Variants in ROBO2 observed in about 807,000 individuals in gnomAD.
ROBO2 encodes the protein roundabout homolog 2.
In ROBO2, 53 loss-of-function variants were observed where a neutral mutation model predicts 160.8. That is an observed-to-expected ratio of 0.33 (90% CI 0.26 to 0.41). The LOEUF is 0.41. ROBO2 is among the 10% of genes least tolerant of loss of function. The pLI is 1.00. For missense variants in ROBO2, 1,577 were observed against 1,722.4 expected (o/e 0.92, Z 1.49); for synonymous variants, 664 against 611.7 (o/e 1.09, Z -1.26).
intron 2 of ROBO2, among the ~76,000 whole-genome samples, chr3:76,685,514 A>G (rs1165407900): frequency 3.9e-5 from 6 of 152,136 alleles, no homozygotes; most frequent in Admixed American, 2.0e-4. Flanking sequence ...TAGTTTTCCA[A>G]TGGAGTTTCA....
chr3:76,527,328 A>G (rs752590421), intron 2 of ROBO2, among the ~76,000 whole-genome samples: 1 of 152,136 alleles, frequency 6.6e-6, no homozygotes. Context: ...TCAGAAGTGC[A>G]AGGGATCTTA....
At chr3:77,489,782 T>C (rs2085837041) in intron 4 of ROBO2, among the ~76,000 whole-genome samples, 1 of 152,216 alleles carries the variant, frequency 6.6e-6, no homozygotes, top group Non-Finnish European at 1.5e-5. Context: ...AAACTTTTCA[T>C]GTTAGATAGG....
At chr3:76,172,590 AC>A (rs2073084146) in intron 2 of ROBO2, among the ~76,000 whole-genome samples, 1 of 152,090 alleles carries the variant, frequency 6.6e-6, no homozygotes, top group Admixed American at 6.6e-5. Flanking sequence ...AATATTCTAA[AC>A]GTTCACTATA....
intron 2 of ROBO2, among the ~76,000 whole-genome samples, chr3:76,554,176 G>C (rs1241794814): frequency 2.0e-5 from 3 of 152,204 alleles, no homozygotes; most frequent in Non-Finnish European, 4.4e-5. Flanking sequence ...GAAAGAATGA[G>C]CTACATCTAT....
intron 2 of ROBO2, among the ~76,000 whole-genome samples, chr3:76,714,530 A>G (rs1487180141): frequency 1.3e-5 from 2 of 152,154 alleles, no homozygotes; most frequent in African/African-American, 4.8e-5. Context: ...CAGAAAATAC[A>G]TTTGTGGAAA....
At chr3:76,459,543 G>A (rs949839429) in intron 2 of ROBO2, among the ~76,000 whole-genome samples, 3 of 151,964 alleles carry the variant, frequency 2.0e-5, no homozygotes, top group Admixed American at 6.6e-5. Flanking sequence ...ACTTTATTCA[G>A]CCTCAATGTT....
intron 2 of ROBO2, among the ~76,000 whole-genome samples, chr3:76,427,289 T>G (rs1325054069): frequency 6.6e-6 from 1 of 151,980 alleles, no homozygotes; most frequent in African/African-American, 2.4e-5. Flanking sequence ...CGCTTGCAAC[T>G]GATAGTTCTG....
intron 2 of ROBO2, among the ~76,000 whole-genome samples, chr3:77,282,956 C>CT (rs199728894): frequency 9.4e-5 from 12 of 127,128 alleles, no homozygotes; most frequent in African/African-American, 3.1e-4. Flanking sequence ...GAGGCTTCTG[C>CT]TTTTAAAAAA....
intron 2 of ROBO2, among the ~76,000 whole-genome samples, chr3:76,641,398 T>A (rs2090667969): frequency 6.6e-6 from 1 of 152,068 alleles, no homozygotes; most frequent in African/African-American, 2.4e-5. Flanking sequence ...CTCAATATAA[T>A]CATCAGAAAA....
rs927844772 is a variant in ROBO2, at chr3:77,349,635, A to G, written c.389-127779A>G. Among the ~76,000 whole-genome samples, 6 of 152,302 alleles carry G rather than the reference A, an allele frequency of 3.9e-5. No homozygotes were observed. The South Asian group carries it at 1.0e-3, about 26-fold the overall frequency. ...AGACATAGAGGCACTTCAAGAGGAT[A>G]CTCCAAAGCGAAAGTTGGGCACGTG... On this transcript the variant is annotated intron_variant, in intron 2 of 25. Coordinates refer to ENST00000461745, the Ensembl canonical transcript of ROBO2.
At chr3:77,345,054 G>A (rs552597312) in intron 2 of ROBO2, among the ~76,000 whole-genome samples, 1 of 151,902 alleles carries the variant, frequency 6.6e-6, no homozygotes, top group South Asian at 2.1e-4. Flanking sequence ...ATAATTTGTG[G>A]TTTTAGCTTG....
intron 16 of ROBO2, among the ~76,000 whole-genome samples, chr3:77,584,065 A>G (rs1391513605): frequency 6.6e-6 from 1 of 152,140 alleles, no homozygotes; most frequent in Non-Finnish European, 1.5e-5. Context: ...TTCTCTTTGC[A>G]TGCACAGTTC....
chr3:77,403,049 G>T (rs1010704150), intron 2 of ROBO2, among the ~76,000 whole-genome samples: 8 of 152,112 alleles, frequency 5.3e-5, no homozygotes, highest in African/African-American at 1.9e-4. Context: ...ACCAGGAACA[G>T]AATTAGTAAG....
At chr3:77,148,359 T>C (rs2077276801) in intron 2 of ROBO2, among the ~76,000 whole-genome samples, 1 of 152,240 alleles carries the variant, frequency 6.6e-6, no homozygotes, top group Admixed American at 6.5e-5. Flanking sequence ...TTATTTACAC[T>C]GGGCAAGGGG....
chr3:76,826,030 ACATT>A (rs1043518448), intron 2 of ROBO2, among the ~76,000 whole-genome samples: 29 of 150,794 alleles, frequency 1.9e-4, no homozygotes, highest in African/African-American at 6.6e-4. Context: ...TCTTTTAGGC[ACATT>A]CAATCAGTGA....
intron 2 of ROBO2, among the ~76,000 whole-genome samples, chr3:76,290,807 A>T (rs938366502): frequency 1.3e-5 from 2 of 152,044 alleles, no homozygotes; most frequent in African/African-American, 4.8e-5. Context: ...GGTTTTGGTT[A>T]TGTGATGCAT....
intron 2 of ROBO2, among the ~76,000 whole-genome samples, chr3:76,709,677 A>C (rs1193468601): frequency 6.6e-6 from 1 of 152,204 alleles, no homozygotes; most frequent in Non-Finnish European, 1.5e-5. Context: ...TGAGTTCAGC[A>C]ATGTTATATG....
chr3:77,526,765 A>G (rs1430299251), intron 6 of ROBO2, among the ~76,000 whole-genome samples: 1 of 151,478 alleles, frequency 6.6e-6, no homozygotes, highest in Non-Finnish European at 1.5e-5. Context: ...TCAACTTGTC[A>G]GTCATTGTTT....
intron 17 of ROBO2, among the ~76,000 whole-genome samples, chr3:77,594,317 G>T (rs753337386): frequency 2.2e-4 from 34 of 152,144 alleles, no homozygotes; most frequent in Admixed American, 3.9e-4. Flanking sequence ...TGGCTGCAAA[G>T]GTTTGGGTAA....
Sources: gnomAD v4.1 joint callset for allele counts (sites outside exome capture counted in the v4.1 genomes callset) on GRCh38, gnomAD v4.1.1 for gene constraint, MANE v1.5 for transcripts, NCBI Gene and HGNC (gene_info 2026-07-23, HGNC 2026-07-21) for gene names.